Variants in TMEM132B observed in about 807,000 individuals in gnomAD.
TMEM132B encodes the protein transmembrane protein 132B.
A neutral mutation model predicts 90.8 loss-of-function variants in TMEM132B; 18 were observed. The ratio of observed to expected loss-of-function variants is 0.20; its 90% CI spans 0.14 to 0.29. TMEM132B has a LOEUF of 0.29. Ranked by LOEUF, TMEM132B falls within the 10% of genes least tolerant of loss-of-function variation. The pLI is 1.00. For missense variants in TMEM132B, 1,096 were observed against 1,326.8 expected (o/e 0.83, Z 2.70); for synonymous variants, 504 against 523.3 (o/e 0.96, Z 0.50).
chr12:125,397,721 G>T (rs1879207688), intron 2 of TMEM132B, among the ~76,000 whole-genome samples: 1 of 152,138 alleles, frequency 6.6e-6, no homozygotes, highest in African/African-American at 2.4e-5. Flanking sequence ...TCTGCATTGG[G>T]GAACCTCTGT....
intron 3 of TMEM132B, among the ~76,000 whole-genome samples, chr12:125,476,960 A>AATCT (rs1420718629): frequency 6.6e-6 from 1 of 152,190 alleles, no homozygotes; most frequent in African/African-American, 2.4e-5. Context: ...CAACACAAAA[A>AATCT]ATCTTCCTCT....
At chr12:125,515,092 G>A (rs1883075325) in intron 3 of TMEM132B, among the ~76,000 whole-genome samples, 4 of 152,166 alleles carry the variant, frequency 2.6e-5, no homozygotes, top group Admixed American at 2.6e-4. Flanking sequence ...CAGCCAAGCA[G>A]TGTCGCCACT....
At chr12:125,491,043 C>G (rs960696989) in intron 3 of TMEM132B, among the ~76,000 whole-genome samples, 1 of 152,234 alleles carries the variant, frequency 6.6e-6, no homozygotes, top group African/African-American at 2.4e-5. Flanking sequence ...CAGCACCAGT[C>G]AAGCCTTTGG....
At chr12:125,373,005 C>T (rs1878345018) in intron 2 of TMEM132B, among the ~76,000 whole-genome samples, 1 of 152,222 alleles carries the variant, frequency 6.6e-6, no homozygotes, top group African/African-American at 2.4e-5. Context: ...CCCGACCATC[C>T]CTATGTGGTC....
At chr12:125,326,216 A>G (rs1373424940) in intron 1 of TMEM132B, among the ~76,000 whole-genome samples, 1 of 152,232 alleles carries the variant, frequency 6.6e-6, no homozygotes, top group Admixed American at 6.5e-5. Context: ...TAGACACTGG[A>G]GAGGCGACCA....
At chr12:125,505,712 A>AG (rs1249741796) in intron 3 of TMEM132B, among the ~76,000 whole-genome samples, 1 of 152,142 alleles carries the variant, frequency 6.6e-6, no homozygotes, top group Non-Finnish European at 1.5e-5. Context: ...AAAAAAAAAA[A>AG]AAAATTACTG....
At chr12:125,554,979 T>A (rs1173881965) in intron 4 of TMEM132B, among the ~76,000 whole-genome samples, 2 of 152,218 alleles carry the variant, frequency 1.3e-5, no homozygotes, top group African/African-American at 4.8e-5. Flanking sequence ...TTATATACTT[T>A]GCTGTCTGCA....
intron 4 of TMEM132B, among the ~76,000 whole-genome samples, chr12:125,544,467 G>A (rs749023163): frequency 2.6e-5 from 4 of 152,132 alleles, no homozygotes; most frequent in African/African-American, 4.8e-5. Context: ...ATGGAACTGT[G>A]GGATGGGTTC....
intron 2 of TMEM132B, among the ~76,000 whole-genome samples, chr12:125,385,603 C>T (rs911699333): frequency 1.2e-4 from 18 of 152,232 alleles, no homozygotes; most frequent in Non-Finnish European, 2.4e-4. Context: ...ATGTAACTCT[C>T]AGGCTTTAAT....
intron 6 of TMEM132B, among the ~76,000 whole-genome samples, 197 bp downstream of exon 6, chr12:125,644,478 G>A (rs561258238): frequency 6.6e-6 from 1 of 152,114 alleles, no homozygotes; most frequent in East Asian, 1.9e-4. Context: ...TAATGAAGAT[G>A]ATAATAATAA....
At chr12:125,451,583 G>C (rs1274914550) in intron 3 of TMEM132B, among the ~76,000 whole-genome samples, 1 of 150,788 alleles carries the variant, frequency 6.6e-6, no homozygotes, top group African/African-American at 2.4e-5. Context: ...TTATGCCTGA[G>C]AGCTCCAGTA....
chr12:125,252,947 A>G (rs1364357485), intron 1 of TMEM132B, among the ~76,000 whole-genome samples: 1 of 152,206 alleles, frequency 6.6e-6, no homozygotes, highest in Non-Finnish European at 1.5e-5. Context: ...CTAAGAACTC[A>G]AAGGGGTTAA....
At chr12:125,244,135 T>C (rs934174499) in intron 1 of TMEM132B, among the ~76,000 whole-genome samples, 2 of 152,242 alleles carry the variant, frequency 1.3e-5, no homozygotes, top group African/African-American at 4.8e-5. Context: ...TGTATGAATA[T>C]GCTGCGTTTT....
intron 3 of TMEM132B, among the ~76,000 whole-genome samples, chr12:125,436,339 A>C (rs930190961): frequency 6.6e-6 from 1 of 152,106 alleles, no homozygotes; most frequent in African/African-American, 2.4e-5. Context: ...ACTGTTTGCC[A>C]TGCTCTCTTC....
intron 3 of TMEM132B, among the ~76,000 whole-genome samples, chr12:125,515,445 T>C (rs1883109107): frequency 6.7e-6 from 1 of 148,582 alleles, no homozygotes; most frequent in Non-Finnish European, 1.5e-5. Context: ...ATACACACAT[T>C]CACACATTCC....
intron 3 of TMEM132B, among the ~76,000 whole-genome samples, chr12:125,477,540 C>T (rs1432861579): frequency 2.6e-5 from 4 of 151,446 alleles, no homozygotes; most frequent in Non-Finnish European, 5.9e-5. Flanking sequence ...TTTTTTTTTT[C>T]CTACTCTGTG....
rs775624808 is a variant in TMEM132B, at chr12:125,654,288, A to G, written c.2830A>G (p.Ile944Val). The change falls in exon 9 of 9, where the codon ATC becomes GTC. Residue 944 changes from isoleucine to valine, a missense_variant. Ile to Val is a conservative substitution (Grantham distance 29). Coordinates refer to ENST00000682704, the MANE Select transcript of TMEM132B (RefSeq NM_001366854.1). The surrounding 1 kb of genome is among the most constrained non-coding windows in gnomAD (Gnocchi z 5.8). ...KRFAVSEQGN[I>V]PHSHDWVWLG... is the part of the protein sequence containing the mutation. The stretch of plus-strand genomic sequence containing the variant: ...GTTTGCTGTGAGTGAGCAGGGCAAC[A>G]TCCCCCATTCCCACGACTGGGTCTG... 1.3e-5 allele frequency: 21 copies of G among 1,613,510 alleles called. No individual in the cohort carries two copies. Among genetic ancestry groups the G allele is most frequent in the Non-Finnish European group, 1.7e-5 (20 of 1,180,042 alleles).
chr12:125,362,099 C>G (rs1162724471), intron 2 of TMEM132B, among the ~76,000 whole-genome samples: 2 of 152,180 alleles, frequency 1.3e-5, no homozygotes, highest in African/African-American at 4.8e-5. Context: ...CCTCTGCCTG[C>G]CTGCACCTGC....
At chr12:125,534,809 C>T (rs1325032948) in intron 4 of TMEM132B, among the ~76,000 whole-genome samples, 1 of 152,054 alleles carries the variant, frequency 6.6e-6, no homozygotes, top group Non-Finnish European at 1.5e-5. Context: ...TGAAGCTATC[C>T]AATATGGTAG....
Sources: allele counts gnomAD v4.1 joint callset (sites outside exome capture counted in the v4.1 genomes callset), GRCh38; gene constraint gnomAD v4.1.1; non-coding constraint Gnocchi (gnomAD v3.1); transcripts MANE v1.5; gene names NCBI Gene and HGNC (gene_info 2026-07-23, HGNC 2026-07-21).